Variants in KCP observed in about 807,000 individuals in gnomAD.
KCP encodes the protein kielin cysteine rich BMP regulator.
A neutral mutation model predicts 212.7 loss-of-function variants in KCP; 194 were observed. The observed-to-expected ratio is 0.91, with a 90% CI of 0.81 to 1.03. The LOEUF is 1.03. KCP is among the 50% of genes least tolerant of loss of function. The pLI is 0.00. For missense variants in KCP, 2,080 were observed against 2,162.5 expected (o/e 0.96, Z 0.76); for synonymous variants, 833 against 865.3 (o/e 0.96, Z 0.65).
chr7:128,881,579 C>T (rs1270125803), intron 31 of KCP, 47 bp downstream of exon 31: 1 of 1,343,768 alleles, frequency 7.4e-7, no homozygotes, highest in South Asian at 1.6e-5. Flanking sequence ...TTCCTGTGTT[C>T]CCCCTGGGCT....
At chr7:128,887,133 A>G in intron 23 of KCP, 82 bp downstream of exon 23, 1 of 1,264,526 alleles carries the variant, frequency 7.9e-7, no homozygotes, top group Non-Finnish European at 1.1e-6. Context: ...TTGCCACCTG[A>G]GTGGAGGAGA....
intron 28 of KCP, 91 bp downstream of exon 28, chr7:128,884,690 C>T: frequency 8.2e-7 from 1 of 1,214,402 alleles, no homozygotes; most frequent in Non-Finnish European, 1.2e-6. Flanking sequence ...GTGCCTGCTC[C>T]ATGCAGTGAC....
chr7:128,895,517 G>T (rs1331364443), intron 8 of KCP, among the ~76,000 whole-genome samples: 1 of 152,240 alleles, frequency 6.6e-6, no homozygotes, highest in Non-Finnish European at 1.5e-5. Flanking sequence ...GGACGTGGTT[G>T]TGTCAGAGGC....
In KCP at chr7:128,877,798, G is replaced by C; in HGVS notation, c.4312-8C>G. On this transcript the variant is annotated splice_region_variant and splice_polypyrimidine_tract_variant and intron_variant, in intron 38 of 39. Coordinates refer to ENST00000610776, the MANE Select transcript of KCP (RefSeq NM_001366122.1). ...CCACAGCCCCTCTGAGACCTGGGTGGGGAGAGCAGCCCTGACGTGACAGCA... is the reference window on the plus strand; with the variant it reads ...CCACAGCCCCTCTGAGACCTGGGTGCGGAGAGCAGCCCTGACGTGACAGCA... 6.5e-7 allele frequency: 1 copy of C among 1,542,530 alleles called. No homozygotes were observed. The highest frequency in any genetic ancestry group is 1.2e-5 in the South Asian group (1 of 83,162).
chr7:128,877,384 G>A (rs1175940246), intron 39 of KCP, 73 bp from the exon 40 acceptor site: 6 of 1,526,042 alleles, frequency 3.9e-6, no homozygotes, highest in Non-Finnish European at 5.3e-6. Flanking sequence ...ACCCCTGCGA[G>A]ACTCGCCATA....
At position 128,893,404 on chromosome 7, in the gene KCP, C is replaced by T. The variant is rs764780035; in HGVS notation, c.1172G>A (p.Arg391His). 1.8e-5 allele frequency: 28 copies of T among 1,551,524 alleles called. No individual in the cohort carries two copies. Among genetic ancestry groups the T allele is most frequent in the Non-Finnish European group, 2.3e-5 (26 of 1,146,950 alleles). The stretch of plus-strand genomic sequence containing the variant: ...GGGACCGCCTACCTGGCAGGAGCAG[C>T]GGACACAGAGGCCCCGCTCTTGGAG... ...FRLQERGLCV[R>H]CSCQAGEVSC... The change falls in exon 12 of 40, where the codon CGC (arginine) becomes CAC (histidine). Residue 391 changes from arginine (R) to histidine (H), a missense_variant. Physicochemically the swap from Arg to His is conservative, Grantham distance 29 (BLOSUM62 0). Coordinates refer to ENST00000610776, the MANE Select transcript of KCP (RefSeq NM_001366122.1).
intron 8 of KCP, among the ~76,000 whole-genome samples, 181 bp downstream of exon 8, chr7:128,902,596 T>C (rs1221940144): frequency 1.3e-5 from 2 of 152,210 alleles, no homozygotes; most frequent in Non-Finnish European, 2.9e-5. Context: ...GGCTCAGAGC[T>C]GGGCACGCAG....
chr7:128,910,142 G>A (rs1447048569), intron 1 of KCP, among the ~76,000 whole-genome samples: 1 of 152,188 alleles, frequency 6.6e-6, no homozygotes, highest in Non-Finnish European at 1.5e-5. Context: ...AGAGCTCCGA[G>A]TGGCACAAAC....
At position 128,893,866 on chromosome 7, in the gene KCP, G is replaced by C. The variant is rs926880932; in HGVS notation, c.1039C>G (p.Pro347Ala). Residue 347 changes from proline to alanine, a missense_variant, in exon 11 of 40, where the codon CCG (proline) becomes GCG (alanine). By Grantham distance (27) the Pro-to-Ala change is conservative. Transcript: ENST00000610776. ...GSVQCEPLPC[P>A]PVPCRHPGKI... ...CCTGGGTGTCTGCAGGGCACTGGCG[G>C]GCAGGGCAGAGGCTCACACTGGACA... 2 of 1,551,140 alleles carry C rather than the reference G, an allele frequency of 1.3e-6. No individual in the cohort carries two copies. The highest frequency in any genetic ancestry group is 2.7e-5 in the African/African-American group (2 of 73,048).
Position 128,886,531 on chromosome 7 carries a change from C to T in KCP, c.2799G>A (p.Leu933=), listed in dbSNP as rs1260810583. 7 of 1,550,858 alleles carry T rather than the reference C, an allele frequency of 4.5e-6. No individual in the cohort carries two copies. The highest frequency in any genetic ancestry group is 4.1e-5 in the African/African-American group (3 of 72,998). Residue 933 remains leucine (L), a synonymous_variant, in exon 26 of 40, where the codon CTG becomes CTA. Coordinates refer to ENST00000610776, the MANE Select transcript of KCP (RefSeq NM_001366122.1). ...GCTTGCAGGGAAGGGGTGGGCACTG[C>T]AGCCGCACACAGCTGACCTGGCCAG... ...CQAGQVSCVR[L]QCPPLPCKLQ... is the part of the protein sequence containing the mutation.
chr7:128,894,761 C>T (rs1455105447), intron 8 of KCP, among the ~76,000 whole-genome samples: 6 of 152,158 alleles, frequency 3.9e-5, no homozygotes, highest in Admixed American at 3.3e-4. Context: ...CACGCACCAC[C>T]ATGCCCAGCT....
Position 128,907,146 on chromosome 7 carries a change from G to A in KCP, c.441C>T (p.Asn147=), listed in dbSNP as rs776838601. The change falls in exon 4 of 40, where the codon AAC becomes AAT. Residue 147 remains asparagine, a synonymous_variant. Coordinates refer to ENST00000610776, the MANE Select transcript of KCP (RefSeq NM_001366122.1). ...AGGCATCTGGGGAGAAGGTCTCCCC[G>A]TTGCCGTAGGTCTGGCCATTTTGGC... The part of the protein sequence containing the change: ...GCSQNGQTYG[N]GETFSPDACT... The A allele has an allele frequency of 6.6e-5, 103 of 1,551,544 alleles. 1 individual carries two copies. Among genetic ancestry groups the A allele is most frequent in the African/African-American group, 2.6e-4 (19 of 73,188 alleles).
Position 128,902,761 on chromosome 7 carries a change from C to G in KCP, c.831+16G>C, listed in dbSNP as rs1376676311. The G allele has an allele frequency of 1.9e-6, 3 of 1,549,606 alleles. No individual in the cohort carries two copies. Among genetic ancestry groups the G allele is most frequent in the Non-Finnish European group, 2.6e-6 (3 of 1,145,400 alleles). On this transcript the variant is annotated intron_variant, in intron 8 of 39. Coordinates refer to ENST00000610776, the MANE Select transcript of KCP (RefSeq NM_001366122.1). Reference sequence around the variant, plus strand: ...GGCAGGGAGGGGGACAGACCAGGAGCAGCCTCAGGACTCACCAGGCACCGG... The same window carrying G: ...GGCAGGGAGGGGGACAGACCAGGAGGAGCCTCAGGACTCACCAGGCACCGG...
At position 128,910,709 on chromosome 7, in the gene KCP, C is replaced by G. The variant is rs780142176; in HGVS notation, c.-33G>C. 1 of 1,458,658 alleles carries G rather than the reference C, an allele frequency of 6.9e-7. No individual in the cohort carries two copies. The highest frequency in any genetic ancestry group is 9.0e-7 in the Non-Finnish European group (1 of 1,110,862). The allele number at this position is 1,458,658 out of a possible 1,614,324, so 90.4% of individuals were successfully genotyped here. On this transcript the variant is annotated 5_prime_UTR_variant, in exon 1 of 40. Coordinates refer to ENST00000610776, the MANE Select transcript of KCP (RefSeq NM_001366122.1). ...CCGCCTCGCTCGGCTCGCCGTCTGT[C>G]GTCGCGGCTCAGCAGGCGCTGGGGA...
Position 128,906,270 on chromosome 7 carries a change from G to T in KCP, c.571+9C>A, listed in dbSNP as rs1365749603. 3 of 1,548,312 alleles carry T rather than the reference G, an allele frequency of 1.9e-6. No homozygotes were observed. In the African/African-American group the frequency reaches 4.1e-5, roughly 21 times the overall value. ...CAGGAGGTGGGGCTGAGACTGGCAG[G>T]AGGCTGACCTGGCTTACAGTGCGGG... On this transcript the variant is annotated intron_variant, in intron 5 of 39. Transcript: ENST00000610776.
intron 34 of KCP, 80 bp from the exon 35 acceptor site, chr7:128,880,165 T>A: frequency 7.0e-7 from 1 of 1,423,396 alleles, no homozygotes; most frequent in African/African-American, 1.4e-5. Flanking sequence ...AAACCAAGCA[T>A]CTCCCAGGAG....
At chr7:128,907,779 G>A (rs143915921) in intron 2 of KCP, among the ~76,000 whole-genome samples, 2 of 152,242 alleles carry the variant, frequency 1.3e-5, no homozygotes, top group South Asian at 2.1e-4. Flanking sequence ...TACGAAACAC[G>A]AACTGACAAA....
intron 8 of KCP, among the ~76,000 whole-genome samples, chr7:128,902,045 T>C (rs967822978): frequency 6.6e-6 from 1 of 152,212 alleles, no homozygotes; most frequent in Non-Finnish European, 1.5e-5. Flanking sequence ...TCATTTTAAG[T>C]GCTCCAGCAA....
At chr7:128,878,018 G>T (rs1793095723) in intron 38 of KCP, among the ~76,000 whole-genome samples, 1 of 151,900 alleles carries the variant, frequency 6.6e-6, no homozygotes, top group Non-Finnish European at 1.5e-5. Flanking sequence ...GCCAGTGAGT[G>T]GCAAAGCAAG....
Sources: allele counts gnomAD v4.1 joint callset (sites outside exome capture counted in the v4.1 genomes callset), GRCh38; gene constraint gnomAD v4.1.1; transcripts MANE v1.5; gene names NCBI Gene and HGNC (gene_info 2026-07-23, HGNC 2026-07-21).